GABRB1: variants seen among roughly 807,000 people sequenced by gnomAD.
GABRB1 encodes the protein gamma-aminobutyric acid receptor subunit beta-1.
GABRB1 carries 17 observed loss-of-function variants against 51.6 expected under a neutral mutation model. The observed-to-expected ratio is 0.33, with a 90% CI of 0.23 to 0.49. The LOEUF is 0.49. Among genes scored for constraint, GABRB1 ranks in the 20% least tolerant of loss-of-function variants. The pLI, the probability that GABRB1 is intolerant of heterozygous loss-of-function variation, is 0.99. For synonymous variants in GABRB1, 247 were observed against 218.9 expected (o/e 1.13, Z -1.14); for missense variants, 410 against 600.6 (o/e 0.68, Z 3.32).
chr4:47,099,567 A>G (rs1459040585), intron 3 of GABRB1, among the ~76,000 whole-genome samples: 1 of 152,106 alleles, frequency 6.6e-6, no homozygotes, highest in Non-Finnish European at 1.5e-5. Flanking sequence ...AAACATGTTA[A>G]TAACCATTTT....
chr4:47,280,606 A>G (rs911239106), intron 4 of GABRB1, among the ~76,000 whole-genome samples: 4 of 151,524 alleles, frequency 2.6e-5, no homozygotes, highest in African/African-American at 9.7e-5. Context: ...TTTTTGTCTG[A>G]GAAAGTTTTT....
intron 4 of GABRB1, among the ~76,000 whole-genome samples, chr4:47,166,158 A>G (rs2109746295): frequency 6.6e-6 from 1 of 152,256 alleles, no homozygotes; most frequent in South Asian, 2.1e-4. Context: ...AGGCATTTCA[A>G]GCTTAAGTAT....
At chr4:47,388,621 C>A (rs1056686840) in intron 5 of GABRB1, among the ~76,000 whole-genome samples, 1 of 152,128 alleles carries the variant, frequency 6.6e-6, no homozygotes, top group Non-Finnish European at 1.5e-5. Flanking sequence ...CAGAATTAAC[C>A]TTGGGGACAG....
chr4:47,425,698 C>T lies in GABRB1; in HGVS notation c.1105C>T (p.Leu369Phe), dbSNP rs761686206. The change falls in exon 9 of 9, where the codon CTC becomes TTC. Residue 369 changes from leucine to phenylalanine, a missense_variant. Physicochemically the swap from Leu to Phe is conservative, Grantham distance 22 (BLOSUM62 0). Around this residue, in one of 5 missense-constraint regions of GABRB1, gnomAD observed 181 missense variants for 195.6 expected, o/e 0.93. Transcript: ENST00000295454. ...GGTCGACGCCCACGGTAACATTCTC[C>T]TCAGCACCCTGGAAATCCGGAATGA... Reference protein sequence around the residue: ...VQVDAHGNILLSTLEIRNETS... With the variant: ...VQVDAHGNILFSTLEIRNETS... 2 of 1,612,460 alleles carry T rather than the reference C, an allele frequency of 1.2e-6. No individual in the cohort carries two copies. Among genetic ancestry groups the T allele is most frequent in the Non-Finnish European group, 1.7e-6 (2 of 1,179,126 alleles).
At chr4:47,122,730 C>A (rs942846319) in intron 3 of GABRB1, among the ~76,000 whole-genome samples, 3 of 152,176 alleles carry the variant, frequency 2.0e-5, no homozygotes, top group South Asian at 2.1e-4. Flanking sequence ...TGTCACAGGA[C>A]AAAACTGTCA....
chr4:47,229,194 T>C (rs1721054108), intron 4 of GABRB1, among the ~76,000 whole-genome samples: 1 of 152,166 alleles, frequency 6.6e-6, no homozygotes, highest in Non-Finnish European at 1.5e-5. Flanking sequence ...AAGTGACTGA[T>C]TGAAACCTTG....
intron 3 of GABRB1, among the ~76,000 whole-genome samples, chr4:47,058,548 T>C (rs780404825): frequency 6.6e-5 from 10 of 152,148 alleles, no homozygotes; most frequent in Non-Finnish European, 1.2e-4. Flanking sequence ...TTTGGGGATA[T>C]GATTCACATG....
intron 3 of GABRB1, among the ~76,000 whole-genome samples, chr4:47,047,153 T>TA (rs1313944471): frequency 1.3e-5 from 2 of 151,626 alleles, no homozygotes; most frequent in African/African-American, 2.4e-5. Context: ...AAATAAAAGT[T>TA]AAAAAAAATT....
intron 4 of GABRB1, among the ~76,000 whole-genome samples, chr4:47,269,853 T>C (rs1722788056): frequency 6.6e-6 from 1 of 151,662 alleles, no homozygotes; most frequent in South Asian, 2.1e-4. Flanking sequence ...CCCACATTCT[T>C]AATTGTTACA....
chr4:47,144,895 C>A (rs1717091953), intron 3 of GABRB1, among the ~76,000 whole-genome samples: 1 of 151,674 alleles, frequency 6.6e-6, no homozygotes. Context: ...AGATCATGAC[C>A]ACGCATGCCA....
intron 4 of GABRB1, among the ~76,000 whole-genome samples, chr4:47,194,256 A>G (rs534929413): frequency 1.4e-4 from 22 of 152,216 alleles, no homozygotes; most frequent in Non-Finnish European, 1.9e-4. Context: ...CCTGAGACAC[A>G]TATTCCAAAT....
chr4:47,040,684 A>T (rs1189134553), intron 3 of GABRB1, among the ~76,000 whole-genome samples: 9 of 152,180 alleles, frequency 5.9e-5, no homozygotes, highest in Non-Finnish European at 8.8e-5. Flanking sequence ...ACATCAATGA[A>T]CTATTTCTTC....
At chr4:47,028,023 G>A (rs1198160009), upstream of GABRB1, among the ~76,000 whole-genome samples, 1 of 151,644 alleles carries the variant, frequency 6.6e-6, no homozygotes, top group Non-Finnish European at 1.5e-5. Flanking sequence ...CAGCTTCCAT[G>A]ATACTTAAGG....
intron 4 of GABRB1, among the ~76,000 whole-genome samples, chr4:47,288,157 C>A (rs188795333): frequency 2.1e-4 from 32 of 152,136 alleles, no homozygotes; most frequent in African/African-American, 6.3e-4. Flanking sequence ...CATCTAGTGT[C>A]GCACTAATCA....
intron 5 of GABRB1, among the ~76,000 whole-genome samples, chr4:47,342,089 A>G (rs1725921106): frequency 6.6e-6 from 1 of 152,186 alleles, no homozygotes; most frequent in African/African-American, 2.4e-5. Flanking sequence ...TGATTTAAAG[A>G]TTCAGTGAGC....
intron 3 of GABRB1, among the ~76,000 whole-genome samples, chr4:47,106,657 C>T (rs191037700): frequency 1.2e-4 from 18 of 152,128 alleles, no homozygotes; most frequent in Admixed American, 8.5e-4. Flanking sequence ...TCTACATTAA[C>T]TCTGCATTTC....
intron 8 of GABRB1, among the ~76,000 whole-genome samples, chr4:47,418,672 A>G (rs1729006222): frequency 6.6e-6 from 1 of 152,176 alleles, no homozygotes; most frequent in African/African-American, 2.4e-5. Context: ...GAATGCTTCT[A>G]TATGCCAAGT....
intron 5 of GABRB1, among the ~76,000 whole-genome samples, chr4:47,378,196 G>A (rs1727457367): frequency 6.6e-6 from 1 of 152,222 alleles, no homozygotes; most frequent in Non-Finnish European, 1.5e-5. Context: ...ACCCTGCCCC[G>A]CGGGAAGGCA....
chr4:47,037,268 A>G (rs1387663239), intron 3 of GABRB1, among the ~76,000 whole-genome samples: 1 of 152,212 alleles, frequency 6.6e-6, no homozygotes, highest in Non-Finnish European at 1.5e-5. Flanking sequence ...TTTGTAAAAT[A>G]GCCTAAACAT....
Sources: gnomAD v4.1 joint callset for allele counts (sites outside exome capture counted in the v4.1 genomes callset) on GRCh38, gnomAD v4.1.1 for gene constraint, gnomAD v4.1.1 regional missense constraint, MANE v1.5 for transcripts, NCBI Gene and HGNC (gene_info 2026-07-23, HGNC 2026-07-21) for gene names.